The following LTA4H variants were observed in gnomAD, a reference collection of about 807,000 sequenced individuals.
LTA4H encodes leukotriene A-4 hydrolase.
A neutral mutation model predicts 89.8 loss-of-function variants in LTA4H; 59 were observed. That is an observed-to-expected ratio of 0.66 (90% confidence interval 0.53 to 0.82). The LOEUF is 0.82. LTA4H is among the 40% of genes least tolerant of loss of function. The probability of loss-of-function intolerance (pLI) is 0.00; values close to 1 mark genes in which losing one functional copy is unlikely to be tolerated. For missense variants in LTA4H, 617 were observed against 727.0 expected, an observed-to-expected ratio of 0.85 and a Z score of 1.74; for synonymous variants, 227 against 253.1, an observed-to-expected ratio of 0.90 and a Z score of 0.98.
chr12:96,020,641 T>G (rs1950442686), intron 6 of LTA4H: 1 of 161,286 alleles, frequency 6.2e-6, no homozygotes. Flanking sequence ...GAACAAAAAA[T>G]TAAGAAGGAA....
At chr12:96,007,246 C>T (rs984780614) in intron 15 of LTA4H, among the ~76,000 whole-genome samples, 3 of 152,144 alleles carry the variant, frequency 2.0e-5, no homozygotes, top group African/African-American at 7.2e-5. Context: ...TCTTTAATAG[C>T]AATACTTCTT....
intron 12 of LTA4H, chr12:96,014,137 C>A: frequency 4.2e-6 from 1 of 236,992 alleles, no homozygotes. Flanking sequence ...AACCCAAGTT[C>A]TAAAAGCAAT....
At chr12:96,024,413 C>A (rs1950489025) in intron 4 of LTA4H, 66 bp downstream of exon 4, 4 of 923,608 alleles carry the variant, frequency 4.3e-6, no homozygotes, top group Non-Finnish European at 6.9e-6. Context: ...ATCATCTCTG[C>A]TTATCATTTA....
chr12:96,019,718 A>G (rs1343467562), intron 6 of LTA4H, among the ~76,000 whole-genome samples: 2 of 148,060 alleles, frequency 1.4e-5, no homozygotes, highest in African/African-American at 5.1e-5. Context: ...CAGCCTCCCT[A>G]GTAGCTGGGA....
At chr12:96,042,278 GGCAGGCCAGGTCCACTAAC>G (rs2136931261) in intron 1 of LTA4H, among the ~76,000 whole-genome samples, 1 of 152,222 alleles carries the variant, frequency 6.6e-6, no homozygotes, top group South Asian at 2.1e-4. Context: ...GTGCTGGTAT[GGCAGGCCAGGTCCACTAAC>G]GCAGGCCTCC....
At chr12:96,013,612 A>G (rs1454941537) in intron 13 of LTA4H, 138 bp downstream of exon 13, 1 of 606,374 alleles carries the variant, frequency 1.6e-6, no homozygotes, top group Non-Finnish European at 2.9e-6. Context: ...CACATTTAAA[A>G]TAGAAAAAAT....
At chr12:96,013,096 G>C (rs1950327125) in intron 14 of LTA4H, 92 bp downstream of exon 14, 1 of 998,928 alleles carries the variant, frequency 1.0e-6, no homozygotes, top group Non-Finnish European at 1.6e-6. Context: ...ACTAGTAACA[G>C]TTTCAGGAAG....
intron 8 of LTA4H, among the ~76,000 whole-genome samples, chr12:96,017,786 T>G (rs1287137141): frequency 6.6e-6 from 1 of 152,156 alleles, no homozygotes; most frequent in African/African-American, 2.4e-5. Flanking sequence ...TTGCCCTAAT[T>G]CTAGGGAATT....
At chr12:96,040,554 TTTCTC>T (rs1950679759), upstream of LTA4H, among the ~76,000 whole-genome samples, 1 of 152,174 alleles carries the variant, frequency 6.6e-6, no homozygotes. Flanking sequence ...TTTTTAACCT[TTTCTC>T]TATTCTTTTC....
intron 1 of LTA4H, among the ~76,000 whole-genome samples, chr12:96,034,802 A>C (rs1019934481): frequency 6.6e-6 from 1 of 152,170 alleles, no homozygotes; most frequent in Non-Finnish European, 1.5e-5. Context: ...CTGTGGATTG[A>C]AATAAGTGTT....
intron 6 of LTA4H, among the ~76,000 whole-genome samples, chr12:96,019,967 C>T (rs1950434183): frequency 6.7e-6 from 1 of 149,928 alleles, no homozygotes; most frequent in African/African-American, 2.5e-5. Context: ...ACAGAGGGGC[C>T]ATCACAGCTC....
At position 96,027,521 on chromosome 12, in the gene LTA4H, T is replaced by C. The variant is rs1950525815; in HGVS notation, c.334A>G (p.Lys112Glu). ...GTGAGCCACTGGAGAGCAGAAGATT[T>C]TGGAGAGGTCTCAAAAGAAATTTCT... ...VIEISFETSP[K>E]SSALQWLTPE... Residue 112 changes from lysine to glutamate, a missense_variant, in exon 3 of 19, where the codon AAA (lysine) becomes GAA (glutamate). Transcript: ENST00000228740. The C allele has an allele frequency of 1.2e-6, 2 of 1,608,556 alleles. No homozygotes were observed. Among genetic ancestry groups the C allele is most frequent in the East Asian group, 2.2e-5 (1 of 44,802 alleles).
intron 5 of LTA4H, among the ~76,000 whole-genome samples, chr12:96,021,666 AACACACACACACACACAC>A (rs60322768): frequency 6.1e-5 from 9 of 147,134 alleles, no homozygotes; most frequent in Non-Finnish European, 9.0e-5. Context: ...CAATTAAGAA[AACACACACACACACACAC>A]ACACACACAC....
At chr12:96,035,260 GC>G in intron 1 of LTA4H, 100 bp downstream of exon 1, 1 of 1,280,318 alleles carries the variant, frequency 7.8e-7, no homozygotes, top group Non-Finnish European at 1.1e-6. Flanking sequence ...CTAGGCAGGG[GC>G]CGCGGCGGGG....
In LTA4H at chr12:96,022,378, T is replaced by C. The variant is rs750632893; in HGVS notation, c.481-127A>G. 23 of 615,294 alleles carry C rather than the reference T, an allele frequency of 3.7e-5. No individual in the cohort carries two copies. The highest frequency in any genetic ancestry group is 6.3e-5 in the Non-Finnish European group (22 of 351,886). The allele number at this position is 615,294 out of a possible 1,614,324, so 38.1% of individuals were successfully genotyped here. ...ATAAACAGACTATGAACACAAAAAG[T>C]ATATACATATACAAAAAGTATATAT... is the stretch of plus-strand genomic sequence containing the variant. On this transcript the variant is annotated intron_variant, in intron 4 of 18. Transcript: ENST00000228740. The surrounding 1 kb of genome is among the most constrained non-coding windows in gnomAD (Gnocchi z 4.0).
chr12:96,002,586 G>A (rs1950122378), intron 18 of LTA4H, among the ~76,000 whole-genome samples: 3 of 152,162 alleles, frequency 2.0e-5, no homozygotes, highest in African/African-American at 7.2e-5. Context: ...GAACACAAAA[G>A]AGTTAGCTTT....
chr12:96,017,601 C>A (rs757346809), intron 8 of LTA4H, 21 bp from the exon 9 acceptor site: 3 of 1,596,280 alleles, frequency 1.9e-6, no homozygotes, highest in Non-Finnish European at 1.7e-6. Context: ...AGAAAATTAC[C>A]TTAGTATTTT....
At chr12:96,033,002 C>G (rs1484772567) in intron 1 of LTA4H, among the ~76,000 whole-genome samples, 2 of 152,124 alleles carry the variant, frequency 1.3e-5, no homozygotes, top group Admixed American at 6.6e-5. Context: ...CTAATGGGTA[C>G]TAGGCTTAAT....
chr12:96,018,852 C>T lies in LTA4H; in HGVS notation c.763G>A (p.Gly255Arg). ...AEDLGGPYVW[G>R]QYDLLVLPPS... Reference sequence around the variant, plus strand: ...GGCAGGACCAATAGGTCATACTGTCCCCATACATACGGTCCTCCCAGATCT... The same window carrying T: ...GGCAGGACCAATAGGTCATACTGTCTCCATACATACGGTCCTCCCAGATCT... The change falls in exon 8 of 19, where the codon GGA becomes AGA. Residue 255 changes from glycine to arginine, a missense_variant. Physicochemically the swap from Gly to Arg is moderately radical, Grantham distance 125 (BLOSUM62 -2). This residue lies in a region of LTA4H where 172 missense variants were observed against 244.5 expected (regional missense o/e 0.70). Transcript: ENST00000228740. 1 of 1,603,468 alleles carries T rather than the reference C, an allele frequency of 6.2e-7. No homozygotes were observed. Among genetic ancestry groups the T allele is most frequent in the Non-Finnish European group, 8.5e-7 (1 of 1,176,744 alleles).
Sources: gnomAD v4.1 joint callset for allele counts (sites outside exome capture counted in the v4.1 genomes callset) on GRCh38, gnomAD v4.1.1 for gene constraint, gnomAD v4.1.1 regional missense constraint, Gnocchi (gnomAD v3.1) non-coding constraint, MANE v1.5 for transcripts, NCBI Gene and HGNC (gene_info 2026-07-23, HGNC 2026-07-21) for gene names.